The following GLIS3 variants were observed in gnomAD, a reference collection of about 807,000 sequenced individuals.
GLIS3 encodes the protein GLIS family zinc finger 3.
In GLIS3, 53 loss-of-function variants were observed where a neutral mutation model predicts 78.6. That is an observed-to-expected ratio of 0.67 (90% CI 0.54 to 0.85). The LOEUF (loss-of-function observed/expected upper bound fraction) is 0.85, where lower values mean the gene tolerates loss of function less well. Among genes scored for constraint, GLIS3 ranks in the 40% least tolerant of loss-of-function variants. The pLI is 0.00. For missense variants in GLIS3, 1,703 were observed against 1,231.1 expected, an observed-to-expected ratio of 1.38 and a Z score of -5.74; for synonymous variants, 684 against 509.9, an observed-to-expected ratio of 1.34 and a Z score of -4.60.
intron 2 of GLIS3, among the ~76,000 whole-genome samples, chr9:4,332,543 C>T (rs1419811789): frequency 6.6e-6 from 1 of 152,226 alleles, no homozygotes; most frequent in Non-Finnish European, 1.5e-5. Context: ...CTGTAGTAGC[C>T]TTGCACCCAG....
At chr9:4,391,358 T>C in the GLIS3 span, among the ~76,000 whole-genome samples, 2 of 152,202 alleles carry the variant, frequency 1.3e-5, no homozygotes, top group African/African-American at 4.8e-5. Context: ...GTCTAGTCTA[T>C]ATAGGGGGTG....
At chr9:4,468,594 CTG>C in the GLIS3 span, among the ~76,000 whole-genome samples, 22 of 152,294 alleles carry the variant, frequency 1.4e-4, no homozygotes, top group Admixed American at 7.8e-4. Context: ...CTGAGAGATT[CTG>C]TCACCACCAG....
intron 1 of GLIS3, among the ~76,000 whole-genome samples, chr9:4,290,380 T>G (rs1828348423): frequency 6.6e-6 from 1 of 151,662 alleles, no homozygotes; most frequent in South Asian, 2.1e-4. Context: ...ACAATAAGAG[T>G]TTTTATTGAT....
the GLIS3 span, among the ~76,000 whole-genome samples, chr9:4,369,515 G>C: frequency 8.5e-5 from 13 of 152,286 alleles, no homozygotes; most frequent in Non-Finnish European, 1.8e-4. Flanking sequence ...AAATTGTCTT[G>C]AGAGAACATG....
intron 2 of GLIS3, among the ~76,000 whole-genome samples, chr9:4,136,288 G>A (rs1833403037): frequency 6.6e-6 from 1 of 152,182 alleles, no homozygotes; most frequent in African/African-American, 2.4e-5. Flanking sequence ...GAGCTCAGAG[G>A]AGGAGGGCAA....
At chr9:4,266,077 C>A (rs902740108) in intron 2 of GLIS3, among the ~76,000 whole-genome samples, 1 of 152,018 alleles carries the variant, frequency 6.6e-6, no homozygotes, top group Non-Finnish European at 1.5e-5. Context: ...CGCCACCATG[C>A]CCGGCTAATT....
chr9:3,966,129 T>TA (rs1817917639), intron 4 of GLIS3, among the ~76,000 whole-genome samples: 1 of 152,218 alleles, frequency 6.6e-6, no homozygotes, highest in East Asian at 1.9e-4. Flanking sequence ...AGAGGGAAGA[T>TA]ATCTTCACCT....
At chr9:4,153,734 T>C (rs1037229339) in intron 2 of GLIS3, among the ~76,000 whole-genome samples, 4 of 152,224 alleles carry the variant, frequency 2.6e-5, no homozygotes, top group Admixed American at 6.5e-5. Flanking sequence ...CAACAGTTTA[T>C]TATAGTTTGG....
At chr9:4,177,448 T>G (rs992076248) in intron 2 of GLIS3, among the ~76,000 whole-genome samples, 1 of 152,104 alleles carries the variant, frequency 6.6e-6, no homozygotes, top group Admixed American at 6.5e-5. Flanking sequence ...CAATGGAAAT[T>G]TTACACAGAG....
the GLIS3 span, among the ~76,000 whole-genome samples, chr9:4,419,258 C>T: frequency 6.6e-6 from 1 of 152,068 alleles, no homozygotes; most frequent in Non-Finnish European, 1.5e-5. Context: ...CTCTTTTGAA[C>T]AAAAAGCACG....
chr9:4,097,610 G>A (rs996080472), intron 4 of GLIS3, among the ~76,000 whole-genome samples: 3 of 152,064 alleles, frequency 2.0e-5, no homozygotes, highest in Non-Finnish European at 4.4e-5. Context: ...TACCAGCTTC[G>A]CATACTGACC....
intron 4 of GLIS3, among the ~76,000 whole-genome samples, chr9:3,956,028 C>CAAAAAAAAAAAAAAAAAAAAAAAAA (rs5896037): frequency 1.1e-5 from 1 of 87,630 alleles, no homozygotes; most frequent in Non-Finnish European, 2.3e-5. Flanking sequence ...CCAGATTCAG[C>CAAAAAAAAAAAAAAAAAAAAAAAAA]AAAAAAAAAA....
intron 4 of GLIS3, among the ~76,000 whole-genome samples, chr9:4,025,612 T>C (rs1459113504): frequency 6.6e-6 from 1 of 152,132 alleles, no homozygotes; most frequent in African/African-American, 2.4e-5. Flanking sequence ...GGTCTGCGTC[T>C]CCTGACCTTG....
intron 2 of GLIS3, among the ~76,000 whole-genome samples, chr9:4,169,929 T>A (rs185295341): frequency 1.3e-5 from 2 of 152,190 alleles, no homozygotes; most frequent in African/African-American, 4.8e-5. Context: ...ATTGACCAAA[T>A]GTCGCTTCAA....
intron 6 of GLIS3, among the ~76,000 whole-genome samples, chr9:3,923,455 A>G (rs148219156): frequency 3.9e-4 from 60 of 152,348 alleles, no homozygotes; most frequent in African/African-American, 1.3e-3. Flanking sequence ...AATCCGGGTA[A>G]TAAGAAAAAA....
chr9:4,080,978 A>T (rs1449752330), intron 4 of GLIS3, among the ~76,000 whole-genome samples: 23 of 152,200 alleles, frequency 1.5e-4, no homozygotes. Flanking sequence ...ACACAGGGCA[A>T]CTGATTTCAT....
chr9:4,426,783 T>C, the GLIS3 span, among the ~76,000 whole-genome samples: 4 of 152,228 alleles, frequency 2.6e-5, no homozygotes, highest in African/African-American at 7.2e-5. Context: ...AGTTCCGTCA[T>C]TGGTAAAATG....
rs1297490715 is a variant in GLIS3 at position 3,910,022 on chromosome 9, T to C, written c.1984-11187A>G. ...CAGTCCAGCCTTTGTCTAAATCCTT[T>C]TGATGACAGGGAACATCCTTCCTTA... On this transcript the variant is annotated intron_variant, in intron 6 of 10. Transcript: ENST00000381971. Among the ~76,000 whole-genome samples the C allele has an allele frequency of 2.0e-5, 3 of 152,250 alleles. No homozygotes were observed. The South Asian group carries it at 6.2e-4, about 32-fold the overall frequency.
At chr9:4,261,427 G>C (rs569865874) in intron 2 of GLIS3, among the ~76,000 whole-genome samples, 7 of 152,282 alleles carry the variant, frequency 4.6e-5, no homozygotes, top group Non-Finnish European at 8.8e-5. Context: ...AGAAGGGATG[G>C]TGAAAGTATG....
Sources: allele counts gnomAD v4.1 joint callset (sites outside exome capture counted in the v4.1 genomes callset), GRCh38; gene constraint gnomAD v4.1.1; transcripts MANE v1.5; gene names NCBI Gene and HGNC (gene_info 2026-07-23, HGNC 2026-07-21).